The following ZNF415 variants were observed in gnomAD, a reference collection of about 807,000 sequenced individuals.
ZNF415 encodes zinc finger protein 415.
Under a neutral mutation model 7.3 loss-of-function variants are expected in ZNF415, and 5 were observed. The observed-to-expected ratio is 0.69, with a 90% CI of 0.36 to 1.44. ZNF415 has a LOEUF of 1.44. ZNF415 is among the 40% of genes most tolerant of loss of function. The pLI, the probability that ZNF415 is intolerant of heterozygous loss-of-function variation, is 0.04. For missense variants in ZNF415, 628 were observed against 664.8 expected (o/e 0.94, Z 0.61); for synonymous variants, 207 against 226.3 (o/e 0.91, Z 0.77).
intron 2 of ZNF415, among the ~76,000 whole-genome samples, chr19:53,118,604 C>A (rs2087428936): frequency 6.6e-6 from 1 of 151,500 alleles, no homozygotes. Context: ...CTTCTTAGAA[C>A]AACAATGGAA....
At chr19:53,122,999 A>G (rs1233345492) in intron 1 of ZNF415, among the ~76,000 whole-genome samples, 1 of 152,150 alleles carries the variant, frequency 6.6e-6, no homozygotes, top group African/African-American at 2.4e-5. Context: ...GAGGAGACCC[A>G]GCCCTGATTA....
chr19:53,117,539 C>A (rs570730750), intron 2 of ZNF415, among the ~76,000 whole-genome samples: 39 of 151,196 alleles, frequency 2.6e-4, no homozygotes, highest in African/African-American at 8.7e-4. Context: ...GGAAATTTCT[C>A]AATAGAAACC....
intron 3 of ZNF415, among the ~76,000 whole-genome samples, chr19:53,110,402 C>T (rs1345892353): frequency 6.6e-6 from 1 of 152,032 alleles, no homozygotes; most frequent in African/African-American, 2.4e-5. Flanking sequence ...AATTGCAAAA[C>T]AGTAATAGCA....
At chr19:53,130,506 CAA>C (rs1367640075) in intron 1 of ZNF415, among the ~76,000 whole-genome samples, 2 of 151,990 alleles carry the variant, frequency 1.3e-5, no homozygotes, top group African/African-American at 2.4e-5. Flanking sequence ...AGGATGCCAC[CAA>C]AGTTACTTTG....
At position 53,121,531 on chromosome 19, in the gene ZNF415, G is replaced by A. The variant is rs542587554; in HGVS notation, c.15+1131C>T. Among the ~76,000 whole-genome samples the A allele has an allele frequency of 4.6e-5, 7 of 152,126 alleles. No individual in the cohort carries two copies. In the East Asian group the frequency reaches 1.4e-3, roughly 30 times the overall value. Reference sequence around the variant, plus strand: ...TAACCTTTGCCTCCCAGGTTCAAGTGATTCTCCTACCTCAGCCTCCTGAGT... The same window carrying A: ...TAACCTTTGCCTCCCAGGTTCAAGTAATTCTCCTACCTCAGCCTCCTGAGT... On this transcript the variant is annotated intron_variant, in intron 2 of 3. Transcript: ENST00000243643.
rs2090274399 is a variant in ZNF415 at position 53,132,879 on chromosome 19, A to T, written c.-91T>A. 6.6e-6 allele frequency: 1 copy of T among 152,214 alleles called. No homozygotes were observed. The highest frequency in any genetic ancestry group is 1.5e-5 in the Non-Finnish European group (1 of 68,090). 9.4% of individuals were successfully genotyped at this position (152,214 alleles called of 1,614,324 possible). On this transcript the variant is annotated 5_prime_UTR_variant, in exon 1 of 4. Coordinates refer to ENST00000243643, the MANE Select transcript of ZNF415 (RefSeq NM_018355.4). Reference sequence around the variant, plus strand: ...ACGCTCGACGCCGTCACCTTCACCCAACGCGATCCGTTTCCGGGCCTGTAG... The same window carrying T: ...ACGCTCGACGCCGTCACCTTCACCCTACGCGATCCGTTTCCGGGCCTGTAG...
intron 1 of ZNF415, among the ~76,000 whole-genome samples, chr19:53,124,622 G>A (rs546976314): frequency 6.6e-6 from 1 of 152,276 alleles, no homozygotes; most frequent in South Asian, 2.1e-4. Flanking sequence ...CTATGAGTGG[G>A]GCTGGCGTGT....
chr19:53,130,068 A>C (rs1370272737), intron 1 of ZNF415, among the ~76,000 whole-genome samples: 1 of 14,864 alleles, frequency 6.7e-5, no homozygotes, highest in Admixed American at 4.6e-4. Context: ...CCAGCTCACA[A>C]AAAAAAAAAA....
At chr19:53,128,532 CT>C (rs1221190262) in intron 1 of ZNF415, among the ~76,000 whole-genome samples, 1 of 119,328 alleles carries the variant, frequency 8.4e-6, no homozygotes, top group Admixed American at 9.2e-5. Flanking sequence ...TCCAGGACCC[CT>C]GACTGTGAGC....
intron 1 of ZNF415, among the ~76,000 whole-genome samples, chr19:53,130,733 G>A (rs890208358): frequency 6.6e-6 from 1 of 151,670 alleles, no homozygotes; most frequent in Admixed American, 6.6e-5. Context: ...TGCAACCTCC[G>A]CCTCCCGGGT....
At chr19:53,111,623 G>A (rs1236314302) in intron 3 of ZNF415, among the ~76,000 whole-genome samples, 2 of 151,992 alleles carry the variant, frequency 1.3e-5, no homozygotes, top group East Asian at 1.9e-4. Context: ...GATTACAGGC[G>A]TGAGCCACTG....
chr19:53,122,193 C>T, intron 2 of ZNF415, among the ~76,000 whole-genome samples: 1 of 152,068 alleles, frequency 6.6e-6, no homozygotes, highest in East Asian at 1.9e-4. Context: ...ATTCAGTGAG[C>T]CGAGATTGCG....
At chr19:53,123,045 G>A (rs1196790281) in intron 1 of ZNF415, among the ~76,000 whole-genome samples, 1 of 152,266 alleles carries the variant, frequency 6.6e-6, no homozygotes, top group East Asian at 1.9e-4. Context: ...TTCCCTCTCT[G>A]GATCCCAGGC....
intron 2 of ZNF415, among the ~76,000 whole-genome samples, chr19:53,122,248 AAAAC>A (rs983148009): frequency 1.4e-4 from 21 of 152,236 alleles, no homozygotes; most frequent in African/African-American, 3.4e-4. Context: ...CTCCATCTCA[AAAAC>A]AAACAAACAA....
In ZNF415 at chr19:53,120,887, C is replaced by G. The variant is rs929659932; in HGVS notation, c.15+1775G>C. ...GATCACGAGGTCAGGAGTTGGAGAC[C>G]AGCCTGACCTACACGGTGAAACCCC... On this transcript the variant is annotated intron_variant, in intron 2 of 3. Coordinates refer to ENST00000243643, the MANE Select transcript of ZNF415 (RefSeq NM_018355.4). Among the ~76,000 whole-genome samples the G allele has an allele frequency of 4.0e-5, 6 of 151,590 alleles. No individual in the cohort carries two copies. In the East Asian group the frequency reaches 1.2e-3, roughly 30 times the overall value.
At chr19:53,117,200 G>A (rs1461032966) in intron 2 of ZNF415, among the ~76,000 whole-genome samples, 1 of 152,164 alleles carries the variant, frequency 6.6e-6, no homozygotes, top group Non-Finnish European at 1.5e-5. Context: ...CCAGCACTTT[G>A]GGAGGCCAAG....
intron 1 of ZNF415, chr19:53,123,436 C>A: frequency 2.5e-6 from 1 of 398,116 alleles, no homozygotes; most frequent in South Asian, 1.3e-4. Context: ...GGAAGTGGGT[C>A]ACAGAAGTCC....
At chr19:53,120,377 C>T (rs1202942466) in intron 2 of ZNF415, among the ~76,000 whole-genome samples, 1 of 152,074 alleles carries the variant, frequency 6.6e-6, no homozygotes, top group Non-Finnish European at 1.5e-5. Context: ...ATAGAATACC[C>T]TAACAAAACA....
At chr19:53,131,389 T>C (rs2090057110) in intron 1 of ZNF415, among the ~76,000 whole-genome samples, 1 of 152,170 alleles carries the variant, frequency 6.6e-6, no homozygotes. Flanking sequence ...AATTATAAAA[T>C]GCACCAGCCT....
Sources: allele counts gnomAD v4.1 joint callset (sites outside exome capture counted in the v4.1 genomes callset), GRCh38; gene constraint gnomAD v4.1.1; transcripts MANE v1.5; gene names NCBI Gene and HGNC (gene_info 2026-07-23, HGNC 2026-07-21).